The following SLIRP variants were observed in gnomAD, a reference collection of about 807,000 sequenced individuals.
The protein encoded by SLIRP is SRA stem-loop-interacting RNA-binding protein, mitochondrial.
In SLIRP, 12 loss-of-function variants were observed where a neutral mutation model predicts 13.4. The ratio of observed to expected loss-of-function variants is 0.89; its 90% confidence interval spans 0.57 to 1.45. The LOEUF is 1.45. SLIRP is among the 40% of genes most tolerant of loss of function. The probability of loss-of-function intolerance (pLI) is 0.00; values close to 1 mark genes in which losing one functional copy is unlikely to be tolerated. For synonymous variants in SLIRP, 55 were observed against 47.1 expected (o/e 1.17, Z -0.69); for missense variants, 154 against 132.2 (o/e 1.17, Z -0.81).
rs2080472246 is a variant in SLIRP at position 77,715,805 on chromosome 14, T to C, written c.190T>C (p.Trp64Arg). 1 of 1,614,140 alleles carries C rather than the reference T, an allele frequency of 6.2e-7. No individual in the cohort carries two copies. Among genetic ancestry groups the C allele is most frequent in the Non-Finnish European group, 8.5e-7 (1 of 1,180,006 alleles). The change falls in exon 3 of 4, where the codon TGG becomes CGG. Residue 64 changes from tryptophan (W) to arginine (R), a missense_variant. Coordinates refer to ENST00000557342, the MANE Select transcript of SLIRP (RefSeq NM_031210.6). ...KETGFHRGLG[W>R]VQFSSEEGLR... is the part of the protein sequence containing the mutation. ...GACTGGCTTTCACAGAGGTTTGGGT[T>C]GGGTTCAGTTTTCTTCAGAAGAAGG...
At chr14:77,709,086 C>T (rs141453348) in intron 1 of SLIRP, among the ~76,000 whole-genome samples, 2 of 152,254 alleles carry the variant, frequency 1.3e-5, no homozygotes, top group African/African-American at 4.8e-5. Flanking sequence ...AAGTACTCAG[C>T]AAATGATAGT....
rs74833516 is a variant in SLIRP, at chr14:77,710,412, G to C, written c.98-426G>C. On this transcript the variant is annotated intron_variant, in intron 1 of 3. Coordinates refer to ENST00000557342, the MANE Select transcript of SLIRP (RefSeq NM_031210.6). ...GGGGCTAGCAGTGGGAAATAAGGCA[G>C]GAAGGGTAGGTGAGGGCAACTCAAC... 1,864 of 420,820 alleles carry C rather than the reference G, an allele frequency of 4.4e-3. 42 individuals are homozygous for C. Among genetic ancestry groups the C allele is most frequent in the African/African-American group, 0.035 (1,725 of 49,156 alleles). The allele number at this position is 420,820 out of a possible 1,614,324, so 26.1% of individuals were successfully genotyped here.
At chr14:77,709,814 C>T (rs111649691) in intron 1 of SLIRP, among the ~76,000 whole-genome samples, 2 of 152,140 alleles carry the variant, frequency 1.3e-5, no homozygotes, top group South Asian at 2.1e-4. Flanking sequence ...CTTGATCTTG[C>T]CAGTTGGTTT....
intron 3 of SLIRP, among the ~76,000 whole-genome samples, chr14:77,716,533 C>CT (rs758485426): frequency 0.036 from 5,330 of 149,824 alleles, 136 homozygotes; most frequent in Non-Finnish European, 0.053. Flanking sequence ...TGCCTGTAGT[C>CT]CCAGCTACTC....
chr14:77,717,365 AAAG>A, intron 3 of SLIRP, 128 bp from the exon 4 acceptor site: 1 of 753,146 alleles, frequency 1.3e-6, no homozygotes, highest in East Asian at 2.5e-5. Context: ...GGAGAAAACG[AAAG>A]AACAAGGGAC....
At chr14:77,716,966 T>C (rs569620543) in intron 3 of SLIRP, among the ~76,000 whole-genome samples, 1 of 152,196 alleles carries the variant, frequency 6.6e-6, no homozygotes, top group African/African-American at 2.4e-5. Context: ...GGTTTCATCA[T>C]GTTGGTCAGG....
At chr14:77,716,530 A>G (rs567169198) in intron 3 of SLIRP, among the ~76,000 whole-genome samples, 118 of 145,602 alleles carry the variant, frequency 8.1e-4, no homozygotes, top group Non-Finnish European at 1.6e-3. Flanking sequence ...ACATGCCTGT[A>G]GTCCCAGCTA....
intron 1 of SLIRP, chr14:77,710,583 G>A: frequency 6.8e-7 from 1 of 1,480,910 alleles, no homozygotes; most frequent in Non-Finnish European, 9.0e-7. Flanking sequence ...CACAGTAACT[G>A]GTATGAAAAC....
chr14:77,714,640 G>T (rs560687559), intron 2 of SLIRP, among the ~76,000 whole-genome samples: 35 of 152,280 alleles, frequency 2.3e-4, no homozygotes, highest in African/African-American at 7.9e-4. Context: ...CTGTGGAAGT[G>T]GTCACATGAC....
chr14:77,711,808 C>G lies in SLIRP; in HGVS notation c.156+912C>G, dbSNP rs372495651. ...TCCTGGGCTCAAGCTATCCGCACAC[C>G]TCGGCCTCCCAAAATGTTGAGATTA... On this transcript the variant is annotated intron_variant, in intron 2 of 3. Transcript: ENST00000557342. 93 of 152,442 alleles carry G rather than the reference C, an allele frequency of 6.1e-4. No individual in the cohort carries two copies. In the East Asian group the frequency reaches 6.6e-3, roughly 11 times the overall value. 9.4% of individuals were successfully genotyped at this position (152,442 alleles called of 1,614,324 possible).
chr14:77,711,093 G>A, intron 2 of SLIRP, among the ~76,000 whole-genome samples, 197 bp downstream of exon 2: 1 of 151,666 alleles, frequency 6.6e-6, no homozygotes, highest in Admixed American at 6.6e-5. Context: ...TACCCCATAA[G>A]TCAAAGGATA....
Position 77,708,128 on chromosome 14 carries a change from C to A in SLIRP, c.17C>A (p.Ala6Glu). ...AGTCTGAAGATGGCGGCCTCAGCAG[C>A]GAGAGGTGCTGCGGCGCTGCGTAGA... MAASA[A>E]RGAAALRRSI... Residue 6 changes from alanine (A) to glutamate (E), a missense_variant, in exon 1 of 4, where the codon GCG becomes GAG. Physicochemically the swap from Ala to Glu is moderately radical, Grantham distance 107 (BLOSUM62 -1). Transcript: ENST00000557342. The A allele has an allele frequency of 6.2e-7, 1 of 1,614,092 alleles. No individual in the cohort carries two copies. Among genetic ancestry groups the A allele is most frequent in the South Asian group, 1.1e-5 (1 of 91,082 alleles).
At chr14:77,711,616 T>C (rs570340168) in intron 2 of SLIRP, 40 of 151,494 alleles carry the variant, frequency 2.6e-4, no homozygotes, top group African/African-American at 9.7e-4. Context: ...AGTGCAGTGA[T>C]GCAGTCATGG....
At chr14:77,713,192 G>C (rs536007968) in intron 2 of SLIRP, among the ~76,000 whole-genome samples, 1 of 152,068 alleles carries the variant, frequency 6.6e-6, no homozygotes, top group Non-Finnish European at 1.5e-5. Flanking sequence ...TTCTTTTTTA[G>C]ATTTATAACT....
intron 1 of SLIRP, 199 bp from the exon 2 acceptor site, chr14:77,710,639 T>A (rs2080432644): frequency 2.0e-6 from 3 of 1,524,676 alleles, no homozygotes; most frequent in Non-Finnish European, 2.6e-6. Context: ...CTCAACAACT[T>A]CTCTGTCCAT....
At chr14:77,708,526 T>A (rs902344520) in intron 1 of SLIRP, among the ~76,000 whole-genome samples, 2 of 152,188 alleles carry the variant, frequency 1.3e-5, no homozygotes, top group Non-Finnish European at 2.9e-5. Flanking sequence ...GTGGCAAGAT[T>A]GTAGGCGTGC....
intron 2 of SLIRP, among the ~76,000 whole-genome samples, chr14:77,715,229 T>C (rs959029586): frequency 3.9e-5 from 6 of 152,104 alleles, no homozygotes; most frequent in Non-Finnish European, 7.4e-5. Context: ...CACAGAAAGC[T>C]CATGACCCGT....
intron 1 of SLIRP, among the ~76,000 whole-genome samples, chr14:77,708,478 G>A (rs978888269): frequency 6.6e-5 from 10 of 152,192 alleles, no homozygotes; most frequent in African/African-American, 2.4e-4. Context: ...CAATTTAGAA[G>A]GGATAATTTT....
intron 1 of SLIRP, among the ~76,000 whole-genome samples, chr14:77,709,149 T>C (rs1013984408): frequency 2.0e-5 from 3 of 152,226 alleles, no homozygotes; most frequent in Admixed American, 2.0e-4. Flanking sequence ...AGTCTACAGA[T>C]AAAGGTTGGA....
Sources: allele counts gnomAD v4.1 joint callset (sites outside exome capture counted in the v4.1 genomes callset), GRCh38; gene constraint gnomAD v4.1.1; transcripts MANE v1.5; gene names NCBI Gene and HGNC (gene_info 2026-07-23, HGNC 2026-07-21).